The following EIF4G2 variants were observed in gnomAD, a reference collection of about 807,000 sequenced individuals.
EIF4G2 encodes the protein DAP-5.
Under a neutral mutation model 117.7 loss-of-function variants are expected in EIF4G2, and 8 were observed. The ratio of observed to expected loss-of-function variants is 0.07; its 90% CI spans 0.04 to 0.12. The LOEUF (loss-of-function observed/expected upper bound fraction) is 0.12, where lower values mean the gene tolerates loss of function less well. Ranked by LOEUF, EIF4G2 falls within the 10% of genes least tolerant of loss-of-function variation. The probability of loss-of-function intolerance (pLI) is 1.00; values close to 1 mark genes in which losing one functional copy is unlikely to be tolerated. For missense variants in EIF4G2, 812 were observed against 1,086.2 expected, an observed-to-expected ratio of 0.75 and a Z score of 3.55; for synonymous variants, 413 against 367.8, an observed-to-expected ratio of 1.12 and a Z score of -1.41.
chr11:10,808,488 G>A, intron 1 of EIF4G2: 16 of 1,247,788 alleles, frequency 1.3e-5, no homozygotes, highest in Non-Finnish European at 1.6e-5. Flanking sequence ...CGGCGGCCTG[G>A]CCAACACTGA....
chr11:10,801,806 T>A (rs1338137181), intron 13 of EIF4G2, 32 bp from the exon 14 acceptor site: 1 of 1,588,508 alleles, frequency 6.3e-7, no homozygotes, highest in South Asian at 1.1e-5. Flanking sequence ...AAAGTCTAGA[T>A]AAAAAGGGGT....
Position 10,800,653 on chromosome 11 carries a change from A to G in EIF4G2, c.1645-6T>C, listed in dbSNP as rs1240033798. On this transcript the variant is annotated splice_region_variant and splice_polypyrimidine_tract_variant and intron_variant, in intron 16 of 21. Transcript: ENST00000339995. ...TATTCAGTCACAACAGTTTCCTGTG[A>G]AGAACACAAGTATCTTTAATGTATT... 1 of 1,614,130 alleles carries G rather than the reference A, an allele frequency of 6.2e-7. No individual in the cohort carries two copies. Among genetic ancestry groups the G allele is most frequent in the Non-Finnish European group, 8.5e-7 (1 of 1,180,000 alleles).
Position 10,797,753 on chromosome 11 carries a change from G to T in EIF4G2, c.*63C>A. The T allele has an allele frequency of 6.5e-7, 1 of 1,532,690 alleles. No homozygotes were observed. The highest frequency in any genetic ancestry group is 9.0e-7 in the Non-Finnish European group (1 of 1,109,520). The allele number at this position is 1,532,690 out of a possible 1,614,324, so 94.9% of individuals were successfully genotyped here. ...CGGAATGAATTTTCGCAGTGGTTAG[G>T]TCAAATGCAGTTACATCATAGCAAC... On this transcript the variant is annotated 3_prime_UTR_variant, in exon 22 of 22. Transcript: ENST00000339995. The surrounding 1 kb of genome is among the most constrained non-coding windows in gnomAD (Gnocchi z 4.5).
At chr11:10,807,031 T>C (rs985303696) in intron 2 of EIF4G2, 146 bp from the exon 3 acceptor site, 8 of 1,116,134 alleles carry the variant, frequency 7.2e-6, no homozygotes, top group Non-Finnish European at 1.0e-5. Context: ...ATTTTAGTGC[T>C]TGTATATTAT....
chr11:10,806,189 G>T, intron 3 of EIF4G2, 142 bp from the exon 4 acceptor site: 1 of 1,108,524 alleles, frequency 9.0e-7, no homozygotes, highest in Non-Finnish European at 1.3e-6. Flanking sequence ...AGTGCTTCTG[G>T]AACAGTAGTG....
chr11:10,803,107 G>T lies in EIF4G2; in HGVS notation c.919C>A (p.His307Asn). 6.2e-7 allele frequency: 1 copy of T among 1,610,378 alleles called. No individual in the cohort carries two copies. The highest frequency in any genetic ancestry group is 1.1e-5 in the South Asian group (1 of 90,260). Residue 307 changes from histidine (H) to asparagine (N), a missense_variant, in exon 11 of 22, where the codon CAC (histidine) becomes AAC (asparagine). By Grantham distance (68) the His-to-Asn change is moderately conservative. Transcript: ENST00000339995. This position sits in a 1 kb window ranked among gnomAD's most constrained non-coding sequence, Gnocchi z 4.0. ...AAAGCCTTGCGAGGAACCCAATGGTGTTCTCGCAACTCTACGGTATCCTTT... is the reference window on the plus strand; with the variant it reads ...AAAGCCTTGCGAGGAACCCAATGGTTTTCTCGCAACTCTACGGTATCCTTT...
Position 10,800,480 on chromosome 11 carries a change from G to C in EIF4G2, c.1812C>G (p.Ile604Met), listed in dbSNP as rs116585386. ...CTATCCCTTCCTGTTTGAGTAAACT[G>C]ATCAAAGAACTTGCTTTTTCTTTAT... The change falls in exon 17 of 22, where the codon ATC (isoleucine) becomes ATG (methionine). Residue 604 changes from isoleucine (I) to methionine (M), a missense_variant. Physicochemically the swap from Ile to Met is conservative, Grantham distance 10. This residue lies in a region of EIF4G2 where 571 missense variants were observed against 642.3 expected (regional missense o/e 0.89). Coordinates refer to ENST00000339995, the MANE Select transcript of EIF4G2 (RefSeq NM_001418.4). The C allele has an allele frequency of 1.2e-6, 2 of 1,614,124 alleles. No homozygotes were observed. The highest frequency in any genetic ancestry group is 1.7e-6 in the Non-Finnish European group (2 of 1,180,022).
Position 10,800,690 on chromosome 11 carries a change from A to G in EIF4G2, c.1644+41T>C, listed in dbSNP as rs764233801. On this transcript the variant is annotated intron_variant, in intron 16 of 21. Coordinates refer to ENST00000339995, the MANE Select transcript of EIF4G2 (RefSeq NM_001418.4). ...ATCTTTAATGTATTCTCTATCTCAA[A>G]TACAGGCTAATTACACTAAAATGGG... The G allele has an allele frequency of 1.4e-5, 22 of 1,613,892 alleles. No homozygotes were observed. In the African/African-American group the frequency reaches 2.7e-4, roughly 20 times the overall value.
At chr11:10,801,262 A>C (rs1045433793) in intron 14 of EIF4G2, 175 bp from the exon 15 acceptor site, 3 of 741,810 alleles carry the variant, frequency 4.0e-6, no homozygotes, top group Non-Finnish European at 6.4e-6. Context: ...AAATTTAAAG[A>C]TCTGATGCAT....
In EIF4G2 at chr11:10,807,039, T is replaced by C. The variant is rs571678059; in HGVS notation, c.42-154A>G. 1.7e-4 allele frequency: 186 copies of C among 1,116,794 alleles called. No individual in the cohort carries two copies. In the South Asian group the frequency reaches 2.6e-3, roughly 16 times the overall value. 69.2% of individuals were successfully genotyped at this position (1,116,794 alleles called of 1,614,324 possible). A position where few individuals can be genotyped will look rare whatever the true frequency, so the allele number is the denominator to read the frequency against. The stretch of plus-strand genomic sequence containing the variant: ...GGCCTGTATTTTAGTGCTTGTATAT[T>C]ATGCTACAAATGAAGACTGAACTCG... On this transcript the variant is annotated intron_variant, in intron 2 of 21. Coordinates refer to ENST00000339995, the MANE Select transcript of EIF4G2 (RefSeq NM_001418.4).
rs374937554 is a variant in EIF4G2, at chr11:10,802,275, A to G, written c.1138+19T>C. On this transcript the variant is annotated intron_variant, in intron 12 of 21. Transcript: ENST00000339995. ...ACTGATTTTTCAGCTTAACGCAACC[A>G]TTGTTTTTTCAAAATTACCTGGCAT... 12 of 1,611,408 alleles carry G rather than the reference A, an allele frequency of 7.4e-6. No individual in the cohort carries two copies. Among genetic ancestry groups the G allele is most frequent in the Non-Finnish European group, 1.0e-5 (12 of 1,178,640 alleles).
intron 1 of EIF4G2, chr11:10,808,387 G>A (rs898851563): frequency 4.8e-6 from 6 of 1,244,958 alleles, no homozygotes; most frequent in Admixed American, 5.2e-5. Flanking sequence ...CTAGCGGTCC[G>A]AGCCACGCTC....
At chr11:10,802,958 G>A (rs1847470266) in intron 11 of EIF4G2, 72 bp downstream of exon 11, 3 of 1,358,566 alleles carry the variant, frequency 2.2e-6, no homozygotes. Flanking sequence ...GTTTGGGGTG[G>A]GTGAGGAGGA....
At chr11:10,804,709 T>C (rs2242361) in intron 5 of EIF4G2, 182,472 of 599,414 alleles carry the variant, frequency 0.3, 28,580 homozygotes, top group East Asian at 0.39. Flanking sequence ...TCTTCAACCA[T>C]ACCATGAACT....
At chr11:10,808,070 G>A in intron 1 of EIF4G2, 1 of 1,043,220 alleles carries the variant, frequency 9.6e-7, no homozygotes, top group Non-Finnish European at 1.2e-6. Context: ...CCGCCAGCCC[G>A]GCGCCCAGCT....
Position 10,799,029 on chromosome 11 carries a change from G to A in EIF4G2, c.2621C>T (p.Thr874Ile). Residue 874 changes from threonine (T) to isoleucine (I), a missense_variant, in exon 21 of 22, where the codon ACC becomes ATC. Physicochemically the swap from Thr to Ile is moderately conservative, Grantham distance 89. This residue lies in a region of EIF4G2 where 571 missense variants were observed against 642.3 expected (regional missense o/e 0.89). Coordinates refer to ENST00000339995, the MANE Select transcript of EIF4G2 (RefSeq NM_001418.4). ...CTTGCCTTTTCCCGGAAACTCTTGG[G>A]TTATATCTTCTTTCCAAGCCAAGAA... 6.2e-7 allele frequency: 1 copy of A among 1,610,558 alleles called. No homozygotes were observed. Among genetic ancestry groups the A allele is most frequent in the South Asian group, 1.1e-5 (1 of 90,604 alleles).
Position 10,806,159 on chromosome 11 carries a change from G to A in EIF4G2, c.108-112C>T, listed in dbSNP as rs907684313. ...TAGGCTTTCTCGACTTCCCCTCCAA[G>A]AAAGCCAACTCTGGAAATTAGTGCT... On this transcript the variant is annotated intron_variant, in intron 3 of 21. Coordinates refer to ENST00000339995, the MANE Select transcript of EIF4G2 (RefSeq NM_001418.4). 4.2e-6 allele frequency: 6 copies of A among 1,426,278 alleles called. No homozygotes were observed. The African/African-American group carries it at 8.6e-5, about 20-fold the overall frequency. The allele number at this position is 1,426,278 out of a possible 1,614,324, so 88.4% of individuals were successfully genotyped here. A position where few individuals can be genotyped will look rare whatever the true frequency, so the allele number is the denominator to read the frequency against.
At chr11:10,802,899 C>T in intron 11 of EIF4G2, 131 bp downstream of exon 11, 1 of 725,476 alleles carries the variant, frequency 1.4e-6, no homozygotes, top group South Asian at 2.3e-5. Context: ...GAAGACGAGA[C>T]ACTAAAAACA....
Position 10,803,206 on chromosome 11 carries a change from A to G in EIF4G2, c.897+5T>C. On this transcript the variant is annotated splice_donor_5th_base_variant and intron_variant, in intron 10 of 21. Coordinates refer to ENST00000339995, the MANE Select transcript of EIF4G2 (RefSeq NM_001418.4). The surrounding 1 kb of genome is among the most constrained non-coding windows in gnomAD (Gnocchi z 4.0). The stretch of plus-strand genomic sequence containing the variant: ...TACCAACAAATTTAAAGAAACCAGT[A>G]TTACCTGCAGCAGGAAACGAATCCT... The G allele has an allele frequency of 6.2e-7, 1 of 1,613,318 alleles. No individual in the cohort carries two copies. Among genetic ancestry groups the G allele is most frequent in the Non-Finnish European group, 8.5e-7 (1 of 1,179,768 alleles).
Sources: allele counts gnomAD v4.1 joint callset, GRCh38; gene constraint gnomAD v4.1.1; regional missense constraint gnomAD v4.1.1; non-coding constraint Gnocchi (gnomAD v3.1); transcripts MANE v1.5; gene names NCBI Gene and HGNC (gene_info 2026-07-23, HGNC 2026-07-21).